The following CLNK variants were observed in gnomAD, a reference collection of about 807,000 sequenced individuals.
The protein encoded by CLNK is cytokine-dependent hematopoietic cell linker.
CLNK carries 74 observed loss-of-function variants against 68.6 expected under a neutral mutation model. That is an observed-to-expected ratio of 1.08 (90% CI 0.89 to 1.31). The LOEUF is 1.31. Ranked by LOEUF, CLNK falls within the 50% of genes most tolerant of loss-of-function variation. The pLI is 0.00. For missense variants in CLNK, 553 were observed against 515.3 expected (o/e 1.07, Z -0.71); for synonymous variants, 198 against 172.2 (o/e 1.15, Z -1.17).
chr4:10,678,728 A>G (rs1221078941), intron 1 of CLNK, among the ~76,000 whole-genome samples: 1 of 152,160 alleles, frequency 6.6e-6, no homozygotes, highest in African/African-American at 2.4e-5. Context: ...CTTATACACC[A>G]ATAACAGACA....
At chr4:10,544,109 A>G (rs993434331) in intron 8 of CLNK, among the ~76,000 whole-genome samples, 42 of 152,206 alleles carry the variant, frequency 2.8e-4, no homozygotes, top group Admixed American at 1.6e-3. Context: ...CTGCAAAACT[A>G]GATGTTGGCT....
the CLNK span, among the ~76,000 whole-genome samples, chr4:10,718,525 GCC>G: frequency 6.6e-6 from 1 of 151,682 alleles, no homozygotes. Flanking sequence ...TAACTGTAAA[GCC>G]AGCATTTTAT....
intron 7 of CLNK, 86 bp downstream of exon 7, chr4:10,564,585 C>T (rs550860279): frequency 1.1e-6 from 1 of 897,772 alleles, no homozygotes; most frequent in East Asian, 2.5e-5. Flanking sequence ...AATAAGATGG[C>T]CTGGGGGACA....
At chr4:10,500,938 G>C (rs779082704) in intron 18 of CLNK, among the ~76,000 whole-genome samples, 3 of 152,208 alleles carry the variant, frequency 2.0e-5, no homozygotes, top group Non-Finnish European at 2.9e-5. Context: ...TTTCAGTGCT[G>C]AGGAGGGAAA....
intron 15 of CLNK, among the ~76,000 whole-genome samples, chr4:10,518,351 C>A (rs1448109177): frequency 2.0e-5 from 3 of 152,060 alleles, no homozygotes; most frequent in African/African-American, 4.8e-5. Context: ...TTCTAGACCT[C>A]CCTGTTGTAA....
At chr4:10,537,699 C>CT (rs760420893) in intron 11 of CLNK, among the ~76,000 whole-genome samples, 1,708 of 66,688 alleles carry the variant, frequency 0.026, 62 homozygotes, top group South Asian at 0.033. Flanking sequence ...TCCTTCCTTC[C>CT]TTCCTTCCTT....
At chr4:10,563,832 G>C (rs915421191) in intron 7 of CLNK, among the ~76,000 whole-genome samples, 5 of 152,136 alleles carry the variant, frequency 3.3e-5, no homozygotes, top group Admixed American at 3.3e-4. Flanking sequence ...ACTTGAACCC[G>C]GGAGGTGGAG....
chr4:10,489,241 G>A lies in CLNK; in HGVS notation c.*1226C>T, dbSNP rs7691862. The stretch of plus-strand genomic sequence containing the variant: ...GAGCCTCTGTTTCCTCATCTTTATT[G>A]TAAAACAATAATAAAATTAAATCCT... On this transcript the variant is annotated 3_prime_UTR_variant, in exon 19 of 19. Transcript: ENST00000226951. 0.72 allele frequency: 110,061 copies of A among 152,006 alleles called. 40,323 individuals carry two copies. The highest frequency in any genetic ancestry group is 0.79 in the Non-Finnish European group (53,791 of 67,968). 9.4% of individuals were successfully genotyped at this position (152,006 alleles called of 1,614,324 possible).
intron 15 of CLNK, among the ~76,000 whole-genome samples, chr4:10,518,189 G>A (rs900985863): frequency 7.9e-5 from 12 of 151,994 alleles, no homozygotes; most frequent in African/African-American, 2.9e-4. Context: ...AATAGAAAAG[G>A]CATGGGTTGA....
At chr4:10,725,348 T>C in the CLNK span, among the ~76,000 whole-genome samples, 68 of 152,316 alleles carry the variant, frequency 4.5e-4, no homozygotes, top group South Asian at 1.4e-3. Flanking sequence ...GCCTGGGCCC[T>C]AGCCTTCATT....
chr4:10,622,761 G>A (rs1284232563), intron 2 of CLNK, among the ~76,000 whole-genome samples: 1 of 152,160 alleles, frequency 6.6e-6, no homozygotes, highest in African/African-American at 2.4e-5. Flanking sequence ...GAATAGCATG[G>A]ACTGGGTGGT....
chr4:10,496,099 G>T (rs1716800321), intron 18 of CLNK, among the ~76,000 whole-genome samples: 1 of 152,192 alleles, frequency 6.6e-6, no homozygotes, highest in African/African-American at 2.4e-5. Context: ...ATGCCTCTAT[G>T]TGTCTGCCAC....
chr4:10,677,894 G>T (rs886675882), intron 1 of CLNK, among the ~76,000 whole-genome samples: 1 of 150,384 alleles, frequency 6.6e-6, no homozygotes, highest in East Asian at 2.0e-4. Flanking sequence ...CGTATGTAGG[G>T]CATTTTGTTT....
At chr4:10,670,129 T>C (rs1359801356) in intron 1 of CLNK, among the ~76,000 whole-genome samples, 3 of 152,156 alleles carry the variant, frequency 2.0e-5, no homozygotes, top group Admixed American at 2.0e-4. Flanking sequence ...AACTGAAACA[T>C]ATGAAAATGT....
intron 2 of CLNK, among the ~76,000 whole-genome samples, chr4:10,641,379 C>T (rs983749561): frequency 2.0e-5 from 3 of 152,106 alleles, no homozygotes; most frequent in African/African-American, 7.2e-5. Flanking sequence ...TGGGTCTGCA[C>T]TAAGGATGCA....
the CLNK span, among the ~76,000 whole-genome samples, chr4:10,699,278 C>CACCACGTATGTGTGTATACACA: frequency 6.7e-4 from 68 of 101,052 alleles, 6 homozygotes; most frequent in African/African-American, 2.6e-3. Flanking sequence ...CACACACACA[C>CACCACGTATGTGTGTATACACA]CACATACGTG....
intron 13 of CLNK, among the ~76,000 whole-genome samples, chr4:10,527,774 A>G (rs1384937225): frequency 6.6e-6 from 1 of 152,126 alleles, no homozygotes; most frequent in Non-Finnish European, 1.5e-5. Context: ...GGAGCAGGGG[A>G]CTAGTTATGT....
At position 10,490,412 on chromosome 4, in the gene CLNK, A is replaced by G. The variant is rs1392181006; in HGVS notation, c.*55T>C. 2.6e-5 allele frequency: 41 copies of G among 1,566,830 alleles called. No individual in the cohort carries two copies. The highest frequency in any genetic ancestry group is 3.3e-5 in the Non-Finnish European group (38 of 1,159,264). On this transcript the variant is annotated 3_prime_UTR_variant, in exon 19 of 19. Coordinates refer to ENST00000226951, the MANE Select transcript of CLNK (RefSeq NM_052964.4). The stretch of plus-strand genomic sequence containing the variant: ...CACAGAAAATAAACTTTTGAAATCA[A>G]TGAAAACAATGGAAGCGCTGAATCC...
intron 2 of CLNK, among the ~76,000 whole-genome samples, chr4:10,601,130 G>A (rs753172802): frequency 6.6e-6 from 1 of 152,272 alleles, no homozygotes; most frequent in East Asian, 1.9e-4. Flanking sequence ...ATGAGGAAAC[G>A]GGACCCTAGA....
Sources: gnomAD v4.1 joint callset for allele counts (sites outside exome capture counted in the v4.1 genomes callset) on GRCh38, gnomAD v4.1.1 for gene constraint, MANE v1.5 for transcripts, NCBI Gene and HGNC (gene_info 2026-07-23, HGNC 2026-07-21) for gene names.